Variants in NME6 observed in about 807,000 individuals in gnomAD.
The protein encoded by NME6 is NME/NM23 nucleoside diphosphate kinase 6, also known as nucleoside diphosphate kinase 6, mitochondrial.
Under a neutral mutation model 22.2 loss-of-function variants are expected in NME6, and 16 were observed. The ratio of observed to expected loss-of-function variants is 0.72; its 90% CI spans 0.49 to 1.09. NME6 has a LOEUF of 1.09. Among genes scored for constraint, NME6 ranks in the 50% least tolerant of loss-of-function variants. NME6 has a pLI of 0.00. For synonymous variants in NME6, 58 were observed against 85.2 expected (o/e 0.68, Z 1.76); for missense variants, 229 against 239.0 (o/e 0.96, Z 0.28).
chr3:48,294,934 C>T, intron 5 of NME6, 131 bp from the exon 6 acceptor site: 1 of 1,394,322 alleles, frequency 7.2e-7, no homozygotes, highest in Non-Finnish European at 9.9e-7. Context: ...AGAAAGTCCA[C>T]AGGCCACATC....
At chr3:48,301,320 C>G in intron 1 of NME6, 33 bp downstream of exon 1, 1 of 1,589,690 alleles carries the variant, frequency 6.3e-7, no homozygotes, top group Non-Finnish European at 8.6e-7. Context: ...CATTCGGAGC[C>G]CCAGTGCAGC....
chr3:48,295,949 T>C, intron 4 of NME6, 170 bp downstream of exon 4: 1 of 635,528 alleles, frequency 1.6e-6, no homozygotes, highest in Non-Finnish European at 2.9e-6. Context: ...ACTCCTGACC[T>C]CAAGTGATCC....
intron 2 of NME6, 144 bp downstream of exon 2, chr3:48,298,283 T>C (rs552335350): frequency 1.4e-6 from 1 of 737,554 alleles, no homozygotes; most frequent in Admixed American, 2.1e-5. Flanking sequence ...CTTAGTCTCC[T>C]TAGGTCAGAG....
chr3:48,301,030 G>A (rs1300578611), intron 1 of NME6, among the ~76,000 whole-genome samples: 1 of 152,066 alleles, frequency 6.6e-6, no homozygotes, highest in East Asian at 1.9e-4. Context: ...CCTGGCGACA[G>A]AACCAGACTC....
downstream of NME6, chr3:48,291,045 G>A (rs983815445): frequency 1.0e-5 from 3 of 287,444 alleles, no homozygotes; most frequent in African/African-American, 4.5e-5. Flanking sequence ...TTGATACTTC[G>A]CCCCAATTTC....
rs11545439 is a variant in NME6 at position 48,294,636 on chromosome 3, A to G, written c.*1T>C. The G allele has an allele frequency of 6.2e-7, 1 of 1,613,952 alleles. No homozygotes were observed. The highest frequency in any genetic ancestry group is 1.1e-5 in the South Asian group (1 of 91,064). ...CTACCACTGGTCTTCATAGACCTGC[A>G]TCAGGCTGGTCCTAGGCCTCCTGTT... is the stretch of plus-strand genomic sequence containing the variant. On this transcript the variant is annotated 3_prime_UTR_variant, in exon 6 of 6. Coordinates refer to ENST00000442597, the MANE Select transcript of NME6 (RefSeq NM_001308426.2).
intron 1 of NME6, chr3:48,299,396 G>A (rs561484896): frequency 7.0e-5 from 11 of 157,594 alleles, no homozygotes; most frequent in Admixed American, 1.3e-4. Flanking sequence ...AGTTATACGT[G>A]AGAAATTTAT....
downstream of NME6, among the ~76,000 whole-genome samples, chr3:48,290,510 TA>T (rs1221342631): frequency 6.6e-6 from 1 of 152,216 alleles, no homozygotes; most frequent in Non-Finnish European, 1.5e-5. Context: ...TTGAAATGTA[TA>T]ATACTCTACT....
chr3:48,301,335 G>A lies in NME6; in HGVS notation c.-8+18C>T, dbSNP rs1015100073. 3 of 1,576,730 alleles carry A rather than the reference G, an allele frequency of 1.9e-6. No individual in the cohort carries two copies. In the African/African-American group the frequency reaches 4.0e-5, roughly 21 times the overall value. ...CATTCGGAGCCCCAGTGCAGCAGAA[G>A]TCCGGCTGCGGGTTCACCTTGTCCT... is the stretch of plus-strand genomic sequence containing the variant. On this transcript the variant is annotated intron_variant, in intron 1 of 5. Coordinates refer to ENST00000442597, the MANE Select transcript of NME6 (RefSeq NM_001308426.2).
intron 2 of NME6, 23 bp downstream of exon 2, chr3:48,298,404 A>G (rs1160680088): frequency 1.3e-6 from 2 of 1,598,970 alleles, no homozygotes; most frequent in Non-Finnish European, 1.7e-6. Flanking sequence ...GGCATGCGGT[A>G]GAGACTTAGG....
At position 48,295,099 on chromosome 3, in the gene NME6, T is replaced by C. The variant is rs777971949; in HGVS notation, c.370A>G (p.Thr124Ala). Residue 124 changes from threonine (T) to alanine (A), a missense_variant, in exon 5 of 6, where the codon ACC becomes GCC. Transcript: ENST00000442597. ...SIRGSFGLTDTRNTTHGSDSV... is the reference protein window; with the variant it reads ...SIRGSFGLTDARNTTHGSDSV... ...CCCGAACCATGGGTGGTGTTGCGGGTGTCAGTGAGGCCGAAACTCCCACGG... is the reference window on the plus strand; with the variant it reads ...CCCGAACCATGGGTGGTGTTGCGGGCGTCAGTGAGGCCGAAACTCCCACGG... 7.4e-6 allele frequency: 12 copies of C among 1,613,916 alleles called. No individual in the cohort carries two copies. Among genetic ancestry groups the C allele is most frequent in the African/African-American group, 1.3e-5 (1 of 74,952 alleles).
chr3:48,295,698 T>C lies in NME6; in HGVS notation c.233+421A>G, dbSNP rs9874212. ...TTGGGATTACAGGCACCCGCCACCA[T>C]GCCTGGCTAATTTTTTGCTGTTGTT... is the stretch of plus-strand genomic sequence containing the variant. On this transcript the variant is annotated intron_variant, in intron 4 of 5. Transcript: ENST00000442597. The C allele has an allele frequency of 9.3e-3, 2,338 of 252,252 alleles. 46 individuals are homozygous for C. The highest frequency in any genetic ancestry group is 0.05 in the South Asian group (850 of 17,144). 15.6% of individuals were successfully genotyped at this position (252,252 alleles called of 1,614,324 possible).
At chr3:48,289,190 G>A (rs1400912915), downstream of NME6, among the ~76,000 whole-genome samples, 4 of 151,690 alleles carry the variant, frequency 2.6e-5, no homozygotes, top group Admixed American at 6.6e-5. Flanking sequence ...TCAGCCTCCC[G>A]AGTAGCTGGG....
At chr3:48,298,354 T>C in intron 2 of NME6, 73 bp downstream of exon 2, 2 of 1,315,678 alleles carry the variant, frequency 1.5e-6, no homozygotes, top group Non-Finnish European at 2.2e-6. Flanking sequence ...TCAGTCACCA[T>C]AAATGGCCCA....
chr3:48,294,007 C>T lies in NME6; in HGVS notation c.*630G>A, dbSNP rs1257374942. On this transcript the variant is annotated 3_prime_UTR_variant, in exon 6 of 6. Transcript: ENST00000442597. The stretch of plus-strand genomic sequence containing the variant: ...GCAGCATAAAGGATTCAGGAGAACA[C>T]TGACTTTTATTGAGGAAGACAGGTC... 1 of 152,018 alleles carries T rather than the reference C, an allele frequency of 6.6e-6. No homozygotes were observed. The highest frequency in any genetic ancestry group is 1.5e-5 in the Non-Finnish European group (1 of 68,046). The allele number at this position is 152,018 out of a possible 1,614,324, so 9.4% of individuals were successfully genotyped here. A position where few individuals can be genotyped will look rare whatever the true frequency, so the allele number is the denominator to read the frequency against.
In NME6 at chr3:48,296,134, A is replaced by G. The variant is rs201144826; in HGVS notation, c.218T>C (p.Val73Ala). 2 of 1,611,798 alleles carry G rather than the reference A, an allele frequency of 1.2e-6. No homozygotes were observed. Among genetic ancestry groups the G allele is most frequent in the Admixed American group, 1.7e-5 (1 of 59,968 alleles). The change falls in exon 4 of 6, where the codon GTG (valine) becomes GCG (alanine). Residue 73 changes from valine (V) to alanine (A), a missense_variant. Physicochemically the swap from Val to Ala is moderately conservative, Grantham distance 64. Coordinates refer to ENST00000442597, the MANE Select transcript of NME6 (RefSeq NM_001308426.2). Reference sequence around the variant, plus strand: ...TTTGAAGTACCTGGCCATGAACTCCACCAGCCTCTGATAGAAAAAACGCCC... The same window carrying G: ...TTTGAAGTACCTGGCCATGAACTCCGCCAGCCTCTGATAGAAAAAACGCCC... The part of the protein sequence containing the change: ...HEGRFFYQRL[V>A]EFMASGPIRA...
downstream of NME6, among the ~76,000 whole-genome samples, chr3:48,289,561 G>T (rs1201195998): frequency 6.6e-6 from 1 of 152,056 alleles, no homozygotes; most frequent in African/African-American, 2.4e-5. Context: ...TGCAAGACTC[G>T]GTGTTTCCTT....
intron 1 of NME6, 25 bp downstream of exon 1, chr3:48,301,328 A>G: frequency 6.3e-7 from 1 of 1,584,700 alleles, no homozygotes. Flanking sequence ...GCCCCAGTGC[A>G]GCAGAAGTCC....
In NME6 at chr3:48,294,093, T is replaced by TG. The variant is rs1232102309; in HGVS notation, c.*543_*544insC. 7 of 152,032 alleles carry TG rather than the reference T, an allele frequency of 4.6e-5. No homozygotes were observed. Among genetic ancestry groups the TG allele is most frequent in the Non-Finnish European group, 7.4e-5 (5 of 68,014 alleles). The allele number at this position is 152,032 out of a possible 1,614,324, so 9.4% of individuals were successfully genotyped here. ...GTCAATTAGACAAGCTTCTTTTTTT[T>TG]TTTTTTTGAGACAGAATGTCGCCCA... is the stretch of plus-strand genomic sequence containing the variant. On this transcript the variant is annotated 3_prime_UTR_variant, in exon 6 of 6. Transcript: ENST00000442597.
Sources: allele counts gnomAD v4.1 joint callset (sites outside exome capture counted in the v4.1 genomes callset), GRCh38; gene constraint gnomAD v4.1.1; transcripts MANE v1.5; gene names NCBI Gene and HGNC (gene_info 2026-07-23, HGNC 2026-07-21).